ZDHHC14: variants seen among roughly 807,000 people sequenced by gnomAD.
The protein encoded by ZDHHC14 is palmitoyltransferase ZDHHC14.
ZDHHC14 carries 16 observed loss-of-function variants against 47.7 expected under a neutral mutation model. The ratio of observed to expected loss-of-function variants is 0.34; its 90% CI spans 0.23 to 0.51. The LOEUF (loss-of-function observed/expected upper bound fraction) is 0.51, where lower values mean the gene tolerates loss of function less well. Ranked by LOEUF, ZDHHC14 falls within the 20% of genes least tolerant of loss-of-function variation. ZDHHC14 has a pLI of 0.97. For synonymous variants in ZDHHC14, 293 were observed against 278.9 expected, an observed-to-expected ratio of 1.05 and a Z score of -0.50; for missense variants, 515 against 662.5, an observed-to-expected ratio of 0.78 and a Z score of 2.44.
At chr6:157,631,685 G>A (rs1012655697) in intron 4 of ZDHHC14, 2 of 152,246 alleles carry the variant, frequency 1.3e-5, no homozygotes, top group Admixed American at 6.5e-5. Context: ...TTTCCTTGGA[G>A]AGGAAGGAGG....
intron 2 of ZDHHC14, among the ~76,000 whole-genome samples, chr6:157,563,111 A>G (rs1782772333): frequency 6.6e-6 from 1 of 152,038 alleles, no homozygotes; most frequent in Non-Finnish European, 1.5e-5. Context: ...GCTGGGCTGG[A>G]CTCCTGGAGG....
At chr6:157,548,107 A>C (rs889379935) in intron 2 of ZDHHC14, among the ~76,000 whole-genome samples, 9 of 151,546 alleles carry the variant, frequency 5.9e-5, no homozygotes, top group African/African-American at 2.2e-4. Context: ...CCCTCCCCAA[A>C]AAAAAAAAAT....
At position 157,491,147 on chromosome 6, in the gene ZDHHC14, T is replaced by C. The variant is rs954930323; in HGVS notation, c.246-51438T>C. Among the ~76,000 whole-genome samples, 5 of 152,312 alleles carry C rather than the reference T, an allele frequency of 3.3e-5. No homozygotes were observed. The East Asian group carries it at 9.7e-4, about 29-fold the overall frequency. On this transcript the variant is annotated intron_variant, in intron 1 of 8. Transcript: ENST00000359775. ...TCAGACAGTACCCTTCTTGCCCCCG[T>C]TTGTCCCCTCGTTCTGTGGGTCGCA...
chr6:157,642,223 A>T (rs1250082184), intron 5 of ZDHHC14, among the ~76,000 whole-genome samples: 1 of 152,198 alleles, frequency 6.6e-6, no homozygotes, highest in East Asian at 1.9e-4. Context: ...ATGATCTCTC[A>T]CCTTTTGTGA....
intron 1 of ZDHHC14, among the ~76,000 whole-genome samples, chr6:157,393,511 A>G (rs2114737686): frequency 6.6e-6 from 1 of 152,340 alleles, no homozygotes; most frequent in Non-Finnish European, 1.5e-5. Context: ...ACTAAATACC[A>G]GCGTCTATTG....
intron 1 of ZDHHC14, among the ~76,000 whole-genome samples, chr6:157,451,868 A>G (rs1463274493): frequency 6.6e-6 from 1 of 152,194 alleles, no homozygotes; most frequent in Non-Finnish European, 1.5e-5. Context: ...CATCTTGAAT[A>G]TTAATAATGG....
intron 5 of ZDHHC14, among the ~76,000 whole-genome samples, chr6:157,645,451 A>C (rs536715318): frequency 3.9e-5 from 6 of 152,118 alleles, no homozygotes; most frequent in African/African-American, 1.4e-4. Context: ...TTCAAGTAGA[A>C]GTCAGAGGAA....
chr6:157,546,027 C>G (rs1032113408), intron 2 of ZDHHC14, among the ~76,000 whole-genome samples: 12 of 152,224 alleles, frequency 7.9e-5, no homozygotes, highest in Non-Finnish European at 1.5e-4. Context: ...TCTCCACCTT[C>G]TACAAATGTA....
In ZDHHC14 at chr6:157,533,653, G is replaced by T. The variant is rs574784196; in HGVS notation, c.246-8932G>T. 5.3e-5 allele frequency among the ~76,000 whole-genome samples: 8 copies of T among 152,316 alleles called. No homozygotes were observed. The South Asian group carries it at 1.7e-3, about 32-fold the overall frequency. ...GCTTTGTAGCCTCGGCAAGTACCTG[G>T]CTTTAGTTCTGAGCAGAGGAGGGAC... On this transcript the variant is annotated intron_variant, in intron 1 of 8. Coordinates refer to ENST00000359775, the MANE Select transcript of ZDHHC14 (RefSeq NM_024630.3).
intron 1 of ZDHHC14, among the ~76,000 whole-genome samples, chr6:157,541,129 T>C (rs1429551172): frequency 6.6e-6 from 1 of 152,140 alleles, no homozygotes; most frequent in African/African-American, 2.4e-5. Flanking sequence ...CAATATTTTT[T>C]TGAGCTATTT....
At chr6:157,401,203 A>T (rs943043769) in intron 1 of ZDHHC14, among the ~76,000 whole-genome samples, 4 of 152,248 alleles carry the variant, frequency 2.6e-5, no homozygotes, top group African/African-American at 7.2e-5. Flanking sequence ...GAGTTCAAAG[A>T]TAAATAGAAA....
chr6:157,584,658 T>C (rs1783623961), intron 2 of ZDHHC14, among the ~76,000 whole-genome samples: 1 of 152,116 alleles, frequency 6.6e-6, no homozygotes, highest in African/African-American at 2.4e-5. Flanking sequence ...GTCCAGGAAT[T>C]CTGTGTGAAA....
In ZDHHC14 at chr6:157,656,719, C is replaced by CA. The variant is rs35815142; in HGVS notation, c.1068+3106dup. Among the ~76,000 whole-genome samples, 76 of 106,426 alleles carry CA rather than the reference C, an allele frequency of 7.1e-4. 1 individual carries two copies. The highest frequency in any genetic ancestry group is 3.3e-3 in the East Asian group (5 of 1,510). 69.8% of individuals were successfully genotyped at this position (106,426 alleles called of 152,430 possible). Reference sequence around the variant, plus strand: ...GCTTGAAGATACCAAAAAAAAAAAACAAAAAAAAAAAAAACAAGACTCCTT... The same window carrying CA: ...GCTTGAAGATACCAAAAAAAAAAAACAAAAAAAAAAAAAAACAAGACTCCTT... On this transcript the variant is annotated intron_variant, in intron 8 of 8. Coordinates refer to ENST00000359775, the MANE Select transcript of ZDHHC14 (RefSeq NM_024630.3).
intron 1 of ZDHHC14, among the ~76,000 whole-genome samples, chr6:157,426,520 C>T (rs929890831): frequency 3.3e-5 from 5 of 152,090 alleles, no homozygotes; most frequent in South Asian, 2.1e-4. Context: ...GAGGGGCCTA[C>T]GGGGCACTCA....
intron 3 of ZDHHC14, among the ~76,000 whole-genome samples, chr6:157,623,042 C>A (rs542682850): frequency 6.6e-6 from 1 of 152,272 alleles, no homozygotes; most frequent in Non-Finnish European, 1.5e-5. Flanking sequence ...TGGCCAGGAT[C>A]CCCGGGCTAG....
chr6:157,487,004 A>G (rs1022629736), intron 1 of ZDHHC14, among the ~76,000 whole-genome samples: 3 of 152,230 alleles, frequency 2.0e-5, no homozygotes, highest in Non-Finnish European at 4.4e-5. Flanking sequence ...TTGCAAGTGA[A>G]GATGCTGAAA....
intron 1 of ZDHHC14, among the ~76,000 whole-genome samples, chr6:157,461,661 T>C (rs1191982381): frequency 6.6e-6 from 1 of 152,184 alleles, no homozygotes; most frequent in African/African-American, 2.4e-5. Flanking sequence ...TAGACAGACA[T>C]ATTCTCCTTC....
chr6:157,668,298 G>A (rs1299631073), intron 8 of ZDHHC14, among the ~76,000 whole-genome samples: 1 of 152,160 alleles, frequency 6.6e-6, no homozygotes, highest in Non-Finnish European at 1.5e-5. Context: ...ACAAATCTGT[G>A]TAGAAGAGGT....
intron 5 of ZDHHC14, among the ~76,000 whole-genome samples, chr6:157,637,288 C>T (rs944660880): frequency 6.6e-6 from 1 of 152,110 alleles, no homozygotes; most frequent in Non-Finnish European, 1.5e-5. Flanking sequence ...TCAAGGGCCA[C>T]TCAGGGGTCT....
Sources: allele counts gnomAD v4.1 joint callset (sites outside exome capture counted in the v4.1 genomes callset), GRCh38; gene constraint gnomAD v4.1.1; transcripts MANE v1.5; gene names NCBI Gene and HGNC (gene_info 2026-07-23, HGNC 2026-07-21).